The following ST7 variants were observed in gnomAD, a reference collection of about 807,000 sequenced individuals.
ST7 encodes the protein suppressor of tumorigenicity 7 protein.
A neutral mutation model predicts 78.7 loss-of-function variants in ST7; 28 were observed. The ratio of observed to expected loss-of-function variants is 0.36; its 90% CI spans 0.26 to 0.49. The LOEUF is 0.49. Among genes scored for constraint, ST7 ranks in the 20% least tolerant of loss-of-function variants. The probability of loss-of-function intolerance (pLI) is 0.99; values close to 1 mark genes in which losing one functional copy is unlikely to be tolerated. For missense variants in ST7, 418 were observed against 696.0 expected (o/e 0.60, Z 4.49); for synonymous variants, 247 against 249.6 (o/e 0.99, Z 0.10).
chr7:117,045,551 C>T (rs1252838915), intron 1 of ST7, among the ~76,000 whole-genome samples: 3 of 152,166 alleles, frequency 2.0e-5, no homozygotes, highest in Admixed American at 2.0e-4. Flanking sequence ...ATCCTACTTG[C>T]TAGCACTCAT....
intron 1 of ST7, among the ~76,000 whole-genome samples, chr7:117,047,725 G>T (rs1009170544): frequency 2.6e-5 from 4 of 152,178 alleles, no homozygotes; most frequent in Admixed American, 1.3e-4. Flanking sequence ...GATGTTTTTC[G>T]TGGTTATAAG....
intron 1 of ST7, among the ~76,000 whole-genome samples, chr7:117,079,689 TTTTA>T (rs1799610402): frequency 6.6e-6 from 1 of 152,192 alleles, no homozygotes. Context: ...CTATATATGC[TTTTA>T]TTTGTTACCA....
chr7:117,062,305 G>A (rs1798401745), intron 1 of ST7, among the ~76,000 whole-genome samples: 1 of 152,144 alleles, frequency 6.6e-6, no homozygotes, highest in Non-Finnish European at 1.5e-5. Flanking sequence ...AATTTTGGAG[G>A]AATGCAATTC....
intron 15 of ST7, chr7:117,224,027 C>A: frequency 1.2e-6 from 1 of 813,856 alleles, no homozygotes; most frequent in Non-Finnish European, 1.5e-6. Flanking sequence ...GGACCTGAAG[C>A]AAATTGCCTT....
Position 117,010,130 on chromosome 7 carries a change from C to T in ST7, c.151+56439C>T, listed in dbSNP as rs1390545965. 3.3e-5 allele frequency among the ~76,000 whole-genome samples: 5 copies of T among 152,130 alleles called. No individual in the cohort carries two copies. In the East Asian group the frequency reaches 9.6e-4, roughly 29 times the overall value. ...AACTGACAATTTCTCAGAACCATTGCCTTGGTTCTAGGTTCTAGGTAGCTA... is the reference window on the plus strand; with the variant it reads ...AACTGACAATTTCTCAGAACCATTGTCTTGGTTCTAGGTTCTAGGTAGCTA... On this transcript the variant is annotated intron_variant, in intron 1 of 15. Transcript: ENST00000323984.
chr7:117,197,497 G>A (rs1197968511), intron 12 of ST7, among the ~76,000 whole-genome samples: 6 of 152,076 alleles, frequency 3.9e-5, no homozygotes, highest in South Asian at 2.1e-4. Flanking sequence ...TTGATATTGC[G>A]GAACTACTTG....
chr7:117,117,962 T>A (rs1241690287), intron 2 of ST7: 1 of 152,228 alleles, frequency 6.6e-6, no homozygotes. Context: ...TGAGCTTTCT[T>A]CTTTTATGCA....
chr7:117,117,287 A>G (rs1802965369), intron 2 of ST7, among the ~76,000 whole-genome samples: 1 of 152,158 alleles, frequency 6.6e-6, no homozygotes, highest in Non-Finnish European at 1.5e-5. Flanking sequence ...TGATGGGTAC[A>G]GGCATGCCAG....
rs750071708 is a variant in ST7, at chr7:117,219,041, C to T, written c.1406-43C>T. 20 of 1,530,126 alleles carry T rather than the reference C, an allele frequency of 1.3e-5. No homozygotes were observed. In the East Asian group the frequency reaches 4.6e-4, roughly 35 times the overall value. The allele number at this position is 1,530,126 out of a possible 1,614,324, so 94.8% of individuals were successfully genotyped here. On this transcript the variant is annotated intron_variant, in intron 13 of 15. Transcript: ENST00000323984. The surrounding 1 kb of genome is among the most constrained non-coding windows in gnomAD (Gnocchi z 5.1). The stretch of plus-strand genomic sequence containing the variant: ...CCTTTTTGCAGTTGGGAAGTTATGA[C>T]ACAAACATTGGACATCTCTGACATA...
chr7:116,978,097 A>G (rs532181590), intron 1 of ST7, among the ~76,000 whole-genome samples: 5 of 152,254 alleles, frequency 3.3e-5, no homozygotes, highest in African/African-American at 1.2e-4. Flanking sequence ...GCTTGGCTGA[A>G]TCATTCCATG....
chr7:117,012,383 T>A (rs1313280818), intron 1 of ST7, among the ~76,000 whole-genome samples: 1 of 152,026 alleles, frequency 6.6e-6, no homozygotes, highest in Admixed American at 6.6e-5. Flanking sequence ...GCTACTCCAG[T>A]TGAATCCTGG....
chr7:117,112,323 A>C (rs1222677414), intron 2 of ST7: 4 of 152,100 alleles, frequency 2.6e-5, no homozygotes, highest in Non-Finnish European at 5.9e-5. Context: ...TTGAGTTACC[A>C]CTCCATGCCA....
chr7:117,003,337 G>A (rs151091103), intron 1 of ST7, among the ~76,000 whole-genome samples: 7 of 151,776 alleles, frequency 4.6e-5, no homozygotes, highest in East Asian at 3.9e-4. Context: ...TCACTCTGTC[G>A]CCCAGGCTAG....
chr7:117,205,523 G>A (rs1448492029), intron 12 of ST7, among the ~76,000 whole-genome samples: 1 of 152,084 alleles, frequency 6.6e-6, no homozygotes, highest in African/African-American at 2.4e-5. Context: ...GATAACTATG[G>A]GATCATTTTC....
At chr7:117,185,875 A>T (rs966978236) in intron 10 of ST7, among the ~76,000 whole-genome samples, 1 of 152,236 alleles carries the variant, frequency 6.6e-6, no homozygotes, top group Admixed American at 6.5e-5. Context: ...GTTAGCTGAG[A>T]TCGTGCCATT....
chr7:117,137,524 A>G (rs1804892937), intron 8 of ST7, among the ~76,000 whole-genome samples: 1 of 152,162 alleles, frequency 6.6e-6, no homozygotes, highest in Non-Finnish European at 1.5e-5. Context: ...CCTGTTGCCT[A>G]AATCCATCCA....
intron 1 of ST7, among the ~76,000 whole-genome samples, chr7:116,970,327 A>G (rs986569761): frequency 1.3e-5 from 2 of 152,244 alleles, no homozygotes; most frequent in Admixed American, 6.5e-5. Context: ...TAATTGTTAC[A>G]TAAGTTTTGT....
intron 9 of ST7, among the ~76,000 whole-genome samples, chr7:117,157,489 T>C (rs1421173824): frequency 6.6e-6 from 1 of 152,182 alleles, no homozygotes; most frequent in Non-Finnish European, 1.5e-5. Context: ...ACCAACCTTC[T>C]GCCTATTGCC....
intron 1 of ST7, among the ~76,000 whole-genome samples, chr7:117,099,157 C>T (rs1315770412): frequency 2.1e-5 from 3 of 144,948 alleles, no homozygotes; most frequent in African/African-American, 5.1e-5. Context: ...CCATTTATTT[C>T]GATGACCAGT....
Sources: gnomAD v4.1 joint callset for allele counts (sites outside exome capture counted in the v4.1 genomes callset) on GRCh38, gnomAD v4.1.1 for gene constraint, Gnocchi (gnomAD v3.1) non-coding constraint, MANE v1.5 for transcripts, NCBI Gene and HGNC (gene_info 2026-07-23, HGNC 2026-07-21) for gene names.